The following EMID1 variants were observed in gnomAD, a reference collection of about 807,000 sequenced individuals.
The protein encoded by EMID1 is EMI domain-containing protein 1.
EMID1 carries 40 observed loss-of-function variants against 60.6 expected under a neutral mutation model. The ratio of observed to expected loss-of-function variants is 0.66; its 90% CI spans 0.51 to 0.86. EMID1 has a LOEUF of 0.86. Among genes scored for constraint, EMID1 ranks in the 40% least tolerant of loss-of-function variants. EMID1 has a pLI of 0.00. For missense variants in EMID1, 585 were observed against 597.1 expected (o/e 0.98, Z 0.21); for synonymous variants, 242 against 231.0 (o/e 1.05, Z -0.43).
intron 14 of EMID1, chr22:29,254,534 T>A (rs1191013248): frequency 2.1e-6 from 1 of 482,444 alleles, no homozygotes; most frequent in East Asian, 3.8e-5. Flanking sequence ...CTCTAAGCAT[T>A]ATGGGTAGTG....
At chr22:29,214,129 T>TTACA (rs2146134510) in intron 1 of EMID1, among the ~76,000 whole-genome samples, 1 of 152,340 alleles carries the variant, frequency 6.6e-6, no homozygotes, top group Non-Finnish European at 1.5e-5. Flanking sequence ...GGGGCATTGA[T>TTACA]TACACATCCC....
intron 3 of EMID1, among the ~76,000 whole-genome samples, chr22:29,220,892 C>G (rs943960648): frequency 6.6e-6 from 1 of 152,136 alleles, no homozygotes. Flanking sequence ...GGGCTAGAAA[C>G]TACAGGCAAC....
Position 29,243,072 on chromosome 22 carries a change from C to T in EMID1, c.1075-373C>T, listed in dbSNP as rs184616644. On this transcript the variant is annotated intron_variant, in intron 12 of 14. Transcript: ENST00000334018. ...CTCCCTGCTTCCCAGTATTTCTCATCAATTTCTTGCTTCTCTGGCAACCTC... is the reference window on the plus strand; with the variant it reads ...CTCCCTGCTTCCCAGTATTTCTCATTAATTTCTTGCTTCTCTGGCAACCTC... Among the ~76,000 whole-genome samples, 13 of 152,310 alleles carry T rather than the reference C, an allele frequency of 8.5e-5. No individual in the cohort carries two copies. The East Asian group carries it at 2.5e-3, about 29-fold the overall frequency.
chr22:29,224,334 G>A (rs1358192675), intron 3 of EMID1, among the ~76,000 whole-genome samples: 1 of 152,220 alleles, frequency 6.6e-6, no homozygotes, highest in East Asian at 1.9e-4. Context: ...GCTGAGGGGG[G>A]CAGTTGCCAG....
chr22:29,220,101 C>T (rs1322619171), intron 3 of EMID1, among the ~76,000 whole-genome samples: 1 of 152,006 alleles, frequency 6.6e-6, no homozygotes, highest in African/African-American at 2.4e-5. Context: ...TCAGCCCCTG[C>T]CTGCATCCCC....
Position 29,206,114 on chromosome 22 carries a change from G to C in EMID1, c.76G>C (p.Gly26Arg), listed in dbSNP as rs1034628247. ...LPGGGAAWSI[G>R]AAPFSGRRNW... ...GGGAGGCGGCGCTGCGTGGAGCATCGGGGCAGCTCCGTTCTCCGGACGCAG... is the reference window on the plus strand; with the variant it reads ...GGGAGGCGGCGCTGCGTGGAGCATCCGGGCAGCTCCGTTCTCCGGACGCAG... The change falls in exon 1 of 15, where the codon GGG becomes CGG. Residue 26 changes from glycine to arginine, a missense_variant. Gly to Arg is a moderately radical substitution (Grantham distance 125, BLOSUM62 -2). Transcript: ENST00000334018. The C allele has an allele frequency of 1.1e-5, 13 of 1,230,488 alleles. No individual in the cohort carries two copies. Among genetic ancestry groups the C allele is most frequent in the Non-Finnish European group, 1.2e-5 (12 of 987,128 alleles). 76.2% of individuals were successfully genotyped at this position (1,230,488 alleles called of 1,614,324 possible). A position where few individuals can be genotyped will look rare whatever the true frequency, so the allele number is the denominator to read the frequency against.
intron 1 of EMID1, among the ~76,000 whole-genome samples, chr22:29,211,763 C>T (rs1342749663): frequency 6.6e-6 from 1 of 152,240 alleles, no homozygotes; most frequent in African/African-American, 2.4e-5. Context: ...TCCGACTGTC[C>T]TCTGCCCAGA....
intron 14 of EMID1, 110 bp from the exon 15 acceptor site, chr22:29,258,707 T>C: frequency 6.8e-7 from 1 of 1,468,874 alleles, no homozygotes; most frequent in South Asian, 1.3e-5. Flanking sequence ...CAGGGTGGAT[T>C]ATACCTGGCA....
chr22:29,251,673 T>TC (rs1320193992), intron 13 of EMID1, among the ~76,000 whole-genome samples: 3 of 152,084 alleles, frequency 2.0e-5, no homozygotes, highest in Non-Finnish European at 4.4e-5. Flanking sequence ...AATTTTTTTT[T>TC]CTTTTTTTTG....
intron 14 of EMID1, among the ~76,000 whole-genome samples, chr22:29,257,128 G>A (rs1273232889): frequency 1.3e-5 from 2 of 152,252 alleles, no homozygotes; most frequent in Admixed American, 1.3e-4. Context: ...GGAGAAAAGT[G>A]CCAGACACCT....
chr22:29,213,716 AG>A (rs1328207284), intron 1 of EMID1, among the ~76,000 whole-genome samples: 3 of 152,108 alleles, frequency 2.0e-5, no homozygotes, highest in Non-Finnish European at 4.4e-5. Flanking sequence ...GGATGGTTTC[AG>A]GTGACCCTTC....
chr22:29,235,676 C>T (rs1297640671), intron 12 of EMID1, among the ~76,000 whole-genome samples: 1 of 151,964 alleles, frequency 6.6e-6, no homozygotes, highest in African/African-American at 2.4e-5. Flanking sequence ...GCCTCAGCCT[C>T]CCAAGTATCT....
At chr22:29,252,329 T>G (rs2041558058) in intron 13 of EMID1, among the ~76,000 whole-genome samples, 1 of 152,184 alleles carries the variant, frequency 6.6e-6, no homozygotes. Context: ...CTTAGTTGTT[T>G]AGATGGTTTT....
intron 13 of EMID1, among the ~76,000 whole-genome samples, chr22:29,253,664 A>G (rs1416452058): frequency 6.6e-6 from 1 of 152,228 alleles, no homozygotes; most frequent in Admixed American, 6.5e-5. Context: ...AAGTCAAGGA[A>G]CATCTATATA....
At chr22:29,241,102 G>T (rs2041138401) in intron 12 of EMID1, among the ~76,000 whole-genome samples, 1 of 146,766 alleles carries the variant, frequency 6.8e-6, no homozygotes, top group East Asian at 2.1e-4. Flanking sequence ...AGGGATGTGG[G>T]TCTGACTGGG....
chr22:29,235,575 T>C (rs2040916460), intron 12 of EMID1, among the ~76,000 whole-genome samples: 1 of 151,976 alleles, frequency 6.6e-6, no homozygotes, highest in Non-Finnish European at 1.5e-5. Context: ...GATTTCTTTT[T>C]TCTTTTTTAG....
intron 3 of EMID1, among the ~76,000 whole-genome samples, chr22:29,222,462 T>C (rs1179343773): frequency 1.4e-5 from 2 of 140,428 alleles, no homozygotes; most frequent in African/African-American, 5.4e-5. Flanking sequence ...TGGAGTGCAG[T>C]GGTGCAATTT....
chr22:29,219,606 C>G (rs1486164651), intron 3 of EMID1, among the ~76,000 whole-genome samples: 2 of 151,646 alleles, frequency 1.3e-5, no homozygotes, highest in Non-Finnish European at 2.9e-5. Flanking sequence ...ATAGCAAGAC[C>G]CTATCTCAAA....
intron 7 of EMID1, 184 bp downstream of exon 7, chr22:29,231,866 C>A: frequency 1.7e-6 from 1 of 593,830 alleles, no homozygotes; most frequent in Non-Finnish European, 2.8e-6. Flanking sequence ...CTTATGTTCA[C>A]TGACCCACAT....
Sources: allele counts gnomAD v4.1 joint callset (sites outside exome capture counted in the v4.1 genomes callset), GRCh38; gene constraint gnomAD v4.1.1; transcripts MANE v1.5; gene names NCBI Gene and HGNC (gene_info 2026-07-23, HGNC 2026-07-21).